NUAK1: variants seen among roughly 807,000 people sequenced by gnomAD.
NUAK1 encodes the protein NUAK family SNF1-like kinase 1.
In NUAK1, 26 loss-of-function variants were observed where a neutral mutation model predicts 56.9. The observed-to-expected ratio is 0.46, with a 90% CI of 0.33 to 0.63. The LOEUF (loss-of-function observed/expected upper bound fraction) is 0.63. NUAK1 is among the 30% of genes least tolerant of loss of function. The probability of loss-of-function intolerance (pLI) is 0.02; values close to 1 mark genes in which losing one functional copy is unlikely to be tolerated. For synonymous variants in NUAK1, 337 were observed against 336.0 expected (o/e 1.00, Z -0.03); for missense variants, 727 against 876.1 (o/e 0.83, Z 2.15).
chr12:106,108,723 T>G (rs1592857877), intron 1 of NUAK1, among the ~76,000 whole-genome samples: 1 of 152,214 alleles, frequency 6.6e-6, no homozygotes, highest in East Asian at 1.9e-4. Flanking sequence ...GAACTTGGCC[T>G]CAAGGAGGCT....
At chr12:106,078,109 C>T (rs1418770499) in intron 4 of NUAK1, among the ~76,000 whole-genome samples, 7 of 152,198 alleles carry the variant, frequency 4.6e-5, no homozygotes, top group African/African-American at 1.7e-4. Context: ...CTCATGCCTG[C>T]AATCCCAGTG....
At chr12:106,126,852 G>A (rs761557107) in intron 1 of NUAK1, among the ~76,000 whole-genome samples, 35 of 152,172 alleles carry the variant, frequency 2.3e-4, no homozygotes, top group Non-Finnish European at 4.9e-4. Flanking sequence ...GGTGTCCACA[G>A]GGAGATCCTG....
At chr12:106,083,430 G>A (rs755897392) in intron 4 of NUAK1, among the ~76,000 whole-genome samples, 73 of 152,190 alleles carry the variant, frequency 4.8e-4, no homozygotes, top group Non-Finnish European at 8.5e-4. Context: ...TAGTTTTTCT[G>A]TGCCTCAGTT....
chr12:106,113,644 C>G (rs2032887643), intron 1 of NUAK1, among the ~76,000 whole-genome samples: 1 of 150,084 alleles, frequency 6.7e-6, no homozygotes, highest in Non-Finnish European at 1.5e-5. Context: ...ACCTATTGTT[C>G]TGTAGCTTAA....
chr12:106,106,560 G>A (rs200171289), intron 1 of NUAK1, 35 bp from the exon 2 acceptor site: 3 of 1,587,824 alleles, frequency 1.9e-6, no homozygotes, highest in Non-Finnish European at 2.6e-6. Flanking sequence ...TATTCAGAGA[G>A]CTAAACAGAT....
At chr12:106,090,788 T>C (rs1223388654) in intron 2 of NUAK1, among the ~76,000 whole-genome samples, 1 of 152,218 alleles carries the variant, frequency 6.6e-6, no homozygotes, top group Non-Finnish European at 1.5e-5. Context: ...ATCAGCCACT[T>C]AGGCAGCTCT....
chr12:106,120,762 G>A (rs1461492418), intron 1 of NUAK1, among the ~76,000 whole-genome samples: 1 of 152,210 alleles, frequency 6.6e-6, no homozygotes, highest in East Asian at 1.9e-4. Flanking sequence ...GATAGCAAGA[G>A]GTCTCGGCCC....
chr12:106,136,791 T>C (rs1338327965), intron 1 of NUAK1, among the ~76,000 whole-genome samples: 1 of 152,152 alleles, frequency 6.6e-6, no homozygotes, highest in Non-Finnish European at 1.5e-5. Context: ...CTAAGCTTAG[T>C]TTTTGCTTAT....
chr12:106,067,977 G>T lies in NUAK1; in HGVS notation c.833-22C>A. The stretch of plus-strand genomic sequence containing the variant: ...GCATCTAAGGGACAAGGGACAAAAA[G>T]AATCGGGCATTATGTGGGAGCTTCT... On this transcript the variant is annotated intron_variant, in intron 6 of 6. Coordinates refer to ENST00000261402, the MANE Select transcript of NUAK1 (RefSeq NM_014840.3). The surrounding 1 kb of genome is among the most constrained non-coding windows in gnomAD (Gnocchi z 6.0). The T allele has an allele frequency of 7.0e-6, 11 of 1,576,922 alleles. No homozygotes were observed. Among genetic ancestry groups the T allele is most frequent in the Non-Finnish European group, 9.5e-6 (11 of 1,159,810 alleles).
chr12:106,098,441 C>G (rs558153620), intron 2 of NUAK1, among the ~76,000 whole-genome samples: 1 of 152,278 alleles, frequency 6.6e-6, no homozygotes, highest in South Asian at 2.1e-4. Context: ...GAAACACTTC[C>G]AACGGATGAG....
chr12:106,070,981 T>C, intron 5 of NUAK1, 75 bp from the exon 6 acceptor site: 1 of 1,552,106 alleles, frequency 6.4e-7, no homozygotes, highest in South Asian at 1.1e-5. Context: ...ATTAGCATCA[T>C]AGCCTGTGAG....
rs998618968 is a variant in NUAK1, at chr12:106,065,901, G to A, written c.*901C>T. 3.3e-5 allele frequency: 5 copies of A among 152,528 alleles called. No homozygotes were observed. The highest frequency in any genetic ancestry group is 1.2e-4 in the African/African-American group (5 of 41,424). 9.4% of individuals were successfully genotyped at this position (152,528 alleles called of 1,614,324 possible). A position where few individuals can be genotyped will look rare whatever the true frequency, so the allele number is the denominator to read the frequency against. Reference sequence around the variant, plus strand: ...GTCATATATAATAGTTTTGACCTCTGACACCATCATCTTTCTCCCTGTCCA... The same window carrying A: ...GTCATATATAATAGTTTTGACCTCTAACACCATCATCTTTCTCCCTGTCCA... On this transcript the variant is annotated 3_prime_UTR_variant, in exon 7 of 7. Coordinates refer to ENST00000261402, the MANE Select transcript of NUAK1 (RefSeq NM_014840.3).
Position 106,070,811 on chromosome 12 carries a change from G to T in NUAK1, c.795C>A (p.Ile265=). 1.2e-6 allele frequency: 2 copies of T among 1,614,196 alleles called. No individual in the cohort carries two copies. Among genetic ancestry groups the T allele is most frequent in the Non-Finnish European group, 1.7e-6 (2 of 1,180,042 alleles). ...GFDHKNLIRQ[I]SSGEYREPTQ... The stretch of plus-strand genomic sequence containing the variant: ...TTGGCTCCCGGTACTCTCCGCTGCT[G>T]ATTTGCCGAATGAGGTTTTTGTGAT... Residue 265 remains isoleucine, a synonymous_variant, in exon 6 of 7, where the codon ATC becomes ATA. Coordinates refer to ENST00000261402, the MANE Select transcript of NUAK1 (RefSeq NM_014840.3).
At chr12:106,129,257 G>A (rs1057414758) in intron 1 of NUAK1, among the ~76,000 whole-genome samples, 9 of 152,242 alleles carry the variant, frequency 5.9e-5, no homozygotes, top group African/African-American at 2.2e-4. Flanking sequence ...AGAAGGAGGA[G>A]GATGGAGCCC....
chr12:106,115,767 C>T (rs751453828), intron 1 of NUAK1, among the ~76,000 whole-genome samples: 5 of 152,172 alleles, frequency 3.3e-5, no homozygotes, highest in South Asian at 2.1e-4. Context: ...CATTTCCTGC[C>T]GTCCCATCAT....
chr12:106,128,502 A>G (rs2033046414), intron 1 of NUAK1, among the ~76,000 whole-genome samples: 1 of 152,160 alleles, frequency 6.6e-6, no homozygotes, highest in South Asian at 2.1e-4. Context: ...GACATGAGTG[A>G]CCTCTGGCAG....
At chr12:106,124,585 C>G (rs749407825) in intron 1 of NUAK1, among the ~76,000 whole-genome samples, 1 of 152,176 alleles carries the variant, frequency 6.6e-6, no homozygotes, top group Non-Finnish European at 1.5e-5. Flanking sequence ...CATGAAGATT[C>G]ACAAAATGCA....
chr12:106,134,762 G>A (rs1032389943), intron 1 of NUAK1, among the ~76,000 whole-genome samples: 6 of 152,192 alleles, frequency 3.9e-5, no homozygotes, highest in Non-Finnish European at 7.3e-5. Flanking sequence ...CAGTAGGCCT[G>A]CCCAAAACTG....
chr12:106,119,568 T>G (rs1009679914), intron 1 of NUAK1, among the ~76,000 whole-genome samples: 2 of 152,208 alleles, frequency 1.3e-5, no homozygotes, highest in African/African-American at 4.8e-5. Flanking sequence ...AAAATGGAAC[T>G]AGAAAGCTGC....
Sources: gnomAD v4.1 joint callset for allele counts (sites outside exome capture counted in the v4.1 genomes callset) on GRCh38, gnomAD v4.1.1 for gene constraint, Gnocchi (gnomAD v3.1) non-coding constraint, MANE v1.5 for transcripts, NCBI Gene and HGNC (gene_info 2026-07-23, HGNC 2026-07-21) for gene names.